The following BCAS3 variants were observed in gnomAD, a reference collection of about 807,000 sequenced individuals.
BCAS3 encodes the protein BCAS3 microtubule associated cell migration factor.
BCAS3 carries 53 observed loss-of-function variants against 116.1 expected under a neutral mutation model. The ratio of observed to expected loss-of-function variants is 0.46; its 90% CI spans 0.37 to 0.57. The LOEUF (loss-of-function observed/expected upper bound fraction) is 0.57. Among genes scored for constraint, BCAS3 ranks in the 20% least tolerant of loss-of-function variants. BCAS3 has a pLI of 0.00. For missense variants in BCAS3, 917 were observed against 1,165.4 expected (o/e 0.79, Z 3.10); for synonymous variants, 391 against 408.2 (o/e 0.96, Z 0.51).
intron 7 of BCAS3, among the ~76,000 whole-genome samples, chr17:60,814,656 C>A (rs1462680117): frequency 6.6e-6 from 1 of 152,044 alleles, no homozygotes; most frequent in Non-Finnish European, 1.5e-5. Flanking sequence ...GCAAAAGATA[C>A]TTTTGTTATT....
intron 19 of BCAS3, among the ~76,000 whole-genome samples, chr17:61,059,234 C>T (rs2069727704): frequency 6.6e-6 from 1 of 151,720 alleles, no homozygotes; most frequent in African/African-American, 2.4e-5. Context: ...AGGCGCCCGC[C>T]ATCACGCCTG....
At chr17:60,875,066 A>T (rs764989342) in intron 9 of BCAS3, among the ~76,000 whole-genome samples, 22 of 152,224 alleles carry the variant, frequency 1.4e-4, no homozygotes, top group Admixed American at 4.6e-4. Flanking sequence ...AACATACCGT[A>T]CTTTTATACA....
In BCAS3 at chr17:61,136,040, T is replaced by C; in HGVS notation, c.2425+51476T>C. On this transcript the variant is annotated intron_variant, in intron 22 of 23. Coordinates refer to ENST00000407086, the MANE Select transcript of BCAS3 (RefSeq NM_017679.5). This position sits in a 1 kb window ranked among gnomAD's most constrained non-coding sequence, Gnocchi z 4.4. ...CATGGCCACCGCCACTGCCGCCGCC[T>C]CCTCCTTCTTCCCTGCACCCCTTCG... 2 of 158,566 alleles carry C rather than the reference T, an allele frequency of 1.3e-5. No homozygotes were observed. Among genetic ancestry groups the C allele is most frequent in the African/African-American group, 2.4e-5 (1 of 41,620 alleles). 9.8% of individuals were successfully genotyped at this position (158,566 alleles called of 1,614,324 possible). A position where few individuals can be genotyped will look rare whatever the true frequency, so the allele number is the denominator to read the frequency against.
Position 60,699,862 on chromosome 17 carries a change from C to CAAAA in BCAS3, c.215-9341_215-9338dup, listed in dbSNP as rs34153475. ...TGGGCGACAGAGCAAGACTCCGTCT[C>CAAAA]AAAAAAAAAAAAAAAAAAAGAGCAG... On this transcript the variant is annotated intron_variant, in intron 4 of 23. Coordinates refer to ENST00000407086, the MANE Select transcript of BCAS3 (RefSeq NM_017679.5). Among the ~76,000 whole-genome samples the CAAAA allele has an allele frequency of 2.2e-4, 15 of 68,554 alleles. No individual in the cohort carries two copies. In the East Asian group the frequency reaches 7.0e-3, roughly 32 times the overall value. The allele number at this position is 68,554 out of a possible 152,430, so 45.0% of individuals were successfully genotyped here. A position where few individuals can be genotyped will look rare whatever the true frequency, so the allele number is the denominator to read the frequency against.
rs375140184 is a variant in BCAS3 at position 61,243,059 on chromosome 17, G to A, written c.2426-125268G>A. Among the ~76,000 whole-genome samples, 11 of 151,902 alleles carry A rather than the reference G, an allele frequency of 7.2e-5. No individual in the cohort carries two copies. The highest frequency in any genetic ancestry group is 1.7e-4 in the African/African-American group (7 of 41,344). ...CCCAAGTAGCTGGGACTACAGGCGC[G>A]CACCACCACACCCATCTAATTTTTG... On this transcript the variant is annotated intron_variant, in intron 22 of 23. Coordinates refer to ENST00000407086, the MANE Select transcript of BCAS3 (RefSeq NM_017679.5). The surrounding 1 kb of genome is among the most constrained non-coding windows in gnomAD (Gnocchi z 5.6).
chr17:60,800,019 AT>A (rs1448352078), intron 6 of BCAS3, among the ~76,000 whole-genome samples: 4 of 152,112 alleles, frequency 2.6e-5, no homozygotes, highest in African/African-American at 9.7e-5. Context: ...TGACTCTTAC[AT>A]CTAAACCTGC....
chr17:61,163,190 C>T (rs181414104), intron 22 of BCAS3, among the ~76,000 whole-genome samples: 16 of 152,072 alleles, frequency 1.1e-4, no homozygotes, highest in East Asian at 7.7e-4. Context: ...CTGGGGAGGC[C>T]GAGGTGGGCA....
chr17:60,846,543 C>G (rs1202219968), intron 7 of BCAS3, among the ~76,000 whole-genome samples: 1 of 152,132 alleles, frequency 6.6e-6, no homozygotes, highest in African/African-American at 2.4e-5. Context: ...TGAAGTCTTT[C>G]CTATTATAAT....
intron 7 of BCAS3, among the ~76,000 whole-genome samples, chr17:60,865,405 T>C (rs1442930823): frequency 6.6e-6 from 1 of 152,202 alleles, no homozygotes; most frequent in East Asian, 1.9e-4. Context: ...AAATTATAAC[T>C]CCCAATCCAA....
rs79911445 is a variant in BCAS3 at position 61,171,593 on chromosome 17, A to T, written c.2425+87029A>T. 6.6e-6 allele frequency among the ~76,000 whole-genome samples: 1 copy of T among 152,058 alleles called. No individual in the cohort carries two copies. The highest frequency in any genetic ancestry group is 1.5e-5 in the Non-Finnish European group (1 of 68,032). ...ACATGAATAGGACAAAAGTAAAAGG[A>T]TAGAAATAATGATATATTATGCTAA... On this transcript the variant is annotated intron_variant, in intron 22 of 23. Transcript: ENST00000407086. This position sits in a 1 kb window ranked among gnomAD's most constrained non-coding sequence, Gnocchi z 4.1.
Position 61,243,914 on chromosome 17 carries a change from T to C in BCAS3, c.2426-124413T>C, listed in dbSNP as rs2047725057. 6.6e-6 allele frequency among the ~76,000 whole-genome samples: 1 copy of C among 152,050 alleles called. No individual in the cohort carries two copies. On this transcript the variant is annotated intron_variant, in intron 22 of 23. Transcript: ENST00000407086. This position sits in a 1 kb window ranked among gnomAD's most constrained non-coding sequence, Gnocchi z 5.6. ...AGCCCTCCCACCTGGGCCTCCCAAG[T>C]AGCTGGGAATATCAGTGTGCACTAC... is the stretch of plus-strand genomic sequence containing the variant.
Position 61,337,112 on chromosome 17 carries a change from C to CAAA in BCAS3, c.2426-31208_2426-31206dup, listed in dbSNP as rs71150606. Among the ~76,000 whole-genome samples the CAAA allele has an allele frequency of 4.1e-4, 61 of 150,096 alleles. No homozygotes were observed. Among genetic ancestry groups the CAAA allele is most frequent in the African/African-American group, 1.4e-3 (58 of 40,870 alleles). ...TGGGTGACAGAGCAAGACTCCATCT[C>CAAA]AAAAAAAAACAACAACAAACTTTAT... On this transcript the variant is annotated intron_variant, in intron 22 of 23. Transcript: ENST00000407086. This position sits in a 1 kb window ranked among gnomAD's most constrained non-coding sequence, Gnocchi z 4.8.
At chr17:60,968,097 T>C (rs2061755601) in intron 14 of BCAS3, among the ~76,000 whole-genome samples, 1 of 152,218 alleles carries the variant, frequency 6.6e-6, no homozygotes, top group Admixed American at 6.5e-5. Flanking sequence ...GGAGAGGTCA[T>C]AATTCCCTAC....
chr17:60,825,544 A>AATTATAATAATTTATAAATAATT (rs2050322054), intron 7 of BCAS3, among the ~76,000 whole-genome samples: 5 of 135,964 alleles, frequency 3.7e-5, no homozygotes, highest in African/African-American at 1.5e-4. Flanking sequence ...ATTTATAAAT[A>AATTATAATAATTTATAAATAATT]ATTATTTATA....
rs1387815202 is a variant in BCAS3 at position 61,183,983 on chromosome 17, T to C, written c.2425+99419T>C. On this transcript the variant is annotated intron_variant, in intron 22 of 23. Transcript: ENST00000407086. The stretch of plus-strand genomic sequence containing the variant: ...GCAGAAGAATTTTTAAAGTACCAGC[T>C]TAAGTGTTACACAGGAAAAGGGTTA... Among the ~76,000 whole-genome samples the C allele has an allele frequency of 2.6e-5, 4 of 152,208 alleles. No individual in the cohort carries two copies. The East Asian group carries it at 5.8e-4, about 22-fold the overall frequency.
rs1391586489 is a variant in BCAS3 at position 61,235,593 on chromosome 17, A to T, written c.2426-132734A>T. Reference sequence around the variant, plus strand: ...GAGCCTTTAGTGGATGCTGAGCTGGAGACCCCCGTTAGTGCTACCTCTTTC... The same window carrying T: ...GAGCCTTTAGTGGATGCTGAGCTGGTGACCCCCGTTAGTGCTACCTCTTTC... On this transcript the variant is annotated intron_variant, in intron 22 of 23. Coordinates refer to ENST00000407086, the MANE Select transcript of BCAS3 (RefSeq NM_017679.5). This position sits in a 1 kb window ranked among gnomAD's most constrained non-coding sequence, Gnocchi z 5.0. 6.6e-6 allele frequency among the ~76,000 whole-genome samples: 1 copy of T among 152,120 alleles called. No individual in the cohort carries two copies. The highest frequency in any genetic ancestry group is 1.9e-4 in the East Asian group (1 of 5,186).
intron 20 of BCAS3, among the ~76,000 whole-genome samples, chr17:61,076,981 A>T (rs2072059250): frequency 6.6e-6 from 1 of 152,202 alleles, no homozygotes; most frequent in South Asian, 2.1e-4. Context: ...AATCACCACA[A>T]TCAGAGAAAT....
At chr17:61,266,484 G>A (rs2049725792) in intron 22 of BCAS3, among the ~76,000 whole-genome samples, 2 of 152,322 alleles carry the variant, frequency 1.3e-5, no homozygotes, top group African/African-American at 4.8e-5. Flanking sequence ...AGAAACCTAT[G>A]AGAAGCACCT....
Position 61,343,866 on chromosome 17 carries a change from C to A in BCAS3, c.2426-24461C>A, listed in dbSNP as rs947973919. Among the ~76,000 whole-genome samples the A allele has an allele frequency of 6.6e-6, 1 of 152,172 alleles. No homozygotes were observed. Among genetic ancestry groups the A allele is most frequent in the Non-Finnish European group, 1.5e-5 (1 of 68,040 alleles). On this transcript the variant is annotated intron_variant, in intron 22 of 23. Coordinates refer to ENST00000407086, the MANE Select transcript of BCAS3 (RefSeq NM_017679.5). This position sits in a 1 kb window ranked among gnomAD's most constrained non-coding sequence, Gnocchi z 5.5. ...CAGTTCTGCTCTGCAGCCCCCATGGCGACACCCTCTCTCTTTGGACCACCT... is the reference window on the plus strand; with the variant it reads ...CAGTTCTGCTCTGCAGCCCCCATGGAGACACCCTCTCTCTTTGGACCACCT...
Sources: allele counts gnomAD v4.1 joint callset (sites outside exome capture counted in the v4.1 genomes callset), GRCh38; gene constraint gnomAD v4.1.1; non-coding constraint Gnocchi (gnomAD v3.1); transcripts MANE v1.5; gene names NCBI Gene and HGNC (gene_info 2026-07-23, HGNC 2026-07-21).